CCDC7: variants seen among roughly 807,000 people sequenced by gnomAD.
CCDC7 encodes coiled-coil domain containing 7.
CCDC7 carries 183 observed loss-of-function variants against 196.9 expected under a neutral mutation model. That is an observed-to-expected ratio of 0.93 (90% confidence interval 0.82 to 1.05). The LOEUF (loss-of-function observed/expected upper bound fraction) is 1.05. Ranked by LOEUF, CCDC7 falls within the 50% of genes least tolerant of loss-of-function variation. The pLI, the probability that CCDC7 is intolerant of heterozygous loss-of-function variation, is 0.00. For synonymous variants in CCDC7, 525 were observed against 484.6 expected, an observed-to-expected ratio of 1.08 and a Z score of -1.10; for missense variants, 1,540 against 1,482.2, an observed-to-expected ratio of 1.04 and a Z score of -0.64.
chr10:32,642,229 C>T (rs576158657), intron 20 of CCDC7, among the ~76,000 whole-genome samples: 47 of 152,344 alleles, frequency 3.1e-4, no homozygotes, highest in African/African-American at 1.1e-3. Context: ...TTTTGTTTGG[C>T]AATGCCCTGC....
chr10:32,539,663 C>T (rs1685164907), intron 11 of CCDC7, among the ~76,000 whole-genome samples: 1 of 152,084 alleles, frequency 6.6e-6, no homozygotes, highest in South Asian at 2.1e-4. Context: ...TTATAAACTT[C>T]CCTCTTAACA....
rs955736950 is a variant in CCDC7 at position 32,861,196 on chromosome 10, A to G, written c.4111+6707A>G. On this transcript the variant is annotated intron_variant, in intron 41 of 41. Coordinates refer to ENST00000639629, the Ensembl canonical transcript of CCDC7. ...ATACTACAAGGCCACAGTAACCAAA[A>G]CAGCATGGTACTGGTACCAAAACAG... Among the ~76,000 whole-genome samples the G allele has an allele frequency of 3.1e-4, 47 of 152,050 alleles. 1 individual carries two copies. The highest frequency in any genetic ancestry group is 8.8e-5 in the Non-Finnish European group (6 of 68,010).
intron 28 of CCDC7, among the ~76,000 whole-genome samples, chr10:32,730,797 G>T (rs944965707): frequency 6.6e-6 from 1 of 151,874 alleles, no homozygotes; most frequent in Non-Finnish European, 1.5e-5. Flanking sequence ...TGAGGTATTA[G>T]ATGAAAATCT....
chr10:32,695,291 G>A (rs1730727489), intron 24 of CCDC7, among the ~76,000 whole-genome samples: 1 of 152,190 alleles, frequency 6.6e-6, no homozygotes, highest in African/African-American at 2.4e-5. Context: ...GAGTCCAAGT[G>A]TTCAACAGGA....
chr10:32,631,107 T>C (rs1460266266), intron 18 of CCDC7, among the ~76,000 whole-genome samples: 3 of 152,220 alleles, frequency 2.0e-5, no homozygotes, highest in Non-Finnish European at 4.4e-5. Context: ...TGTGAGTGAA[T>C]GATGAAACCT....
intron 13 of CCDC7, among the ~76,000 whole-genome samples, chr10:32,546,934 T>C (rs375415170): frequency 1.6e-4 from 25 of 152,344 alleles, no homozygotes; most frequent in African/African-American, 5.3e-4. Context: ...GTCTGCAGTT[T>C]CCTGCCACAT....
exon 32 of CCDC7, chr10:32,824,597 T>A: frequency 6.2e-7 from 1 of 1,605,188 alleles, no homozygotes; most frequent in Non-Finnish European, 8.5e-7. Context: ...AGAGAAAGAG[T>A]TACCCTGGTA....
chr10:32,856,028 G>T (rs2136354998), intron 41 of CCDC7, among the ~76,000 whole-genome samples: 1 of 152,218 alleles, frequency 6.6e-6, no homozygotes, highest in Admixed American at 6.5e-5. Flanking sequence ...ATATCCACAT[G>T]CAAAATAATG....
chr10:32,602,885 A>C (rs895401846), intron 18 of CCDC7, among the ~76,000 whole-genome samples: 5 of 152,232 alleles, frequency 3.3e-5, no homozygotes, highest in Non-Finnish European at 5.9e-5. Context: ...ATATATGCAT[A>C]CAATGTGTAA....
At chr10:32,582,984 A>G in intron 16 of CCDC7, 50 bp from the exon 18 acceptor site, 4 of 1,121,406 alleles carry the variant, frequency 3.6e-6, no homozygotes, top group Non-Finnish European at 4.5e-6. Context: ...TCAGTTGCAA[A>G]TAAAATGGTC....
In CCDC7 at chr10:32,453,443, A is replaced by T. The variant is rs1263919967; in HGVS notation, c.372+7A>T. ...TGAAGAATTATCTTTATCTGTAAGTATATGCAACCCTAATATAGAGACATT... is the reference window on the plus strand; with the variant it reads ...TGAAGAATTATCTTTATCTGTAAGTTTATGCAACCCTAATATAGAGACATT... On this transcript the variant is annotated splice_region_variant and intron_variant, in intron 2 of 41. Transcript: ENST00000639629. The T allele has an allele frequency of 2.0e-6, 3 of 1,510,650 alleles. No homozygotes were observed. Among genetic ancestry groups the T allele is most frequent in the Non-Finnish European group, 2.7e-6 (3 of 1,129,534 alleles). The allele number at this position is 1,510,650 out of a possible 1,614,324, so 93.6% of individuals were successfully genotyped here. A position where few individuals can be genotyped will look rare whatever the true frequency, so the allele number is the denominator to read the frequency against.
chr10:32,584,401 T>A (rs2059030386), intron 18 of CCDC7, 97 bp downstream of exon 19: 4 of 786,510 alleles, frequency 5.1e-6, no homozygotes, highest in Non-Finnish European at 8.1e-6. Context: ...CATTATTAAA[T>A]ATACAAACAA....
intron 28 of CCDC7, among the ~76,000 whole-genome samples, chr10:32,748,000 G>A (rs1489868687): frequency 6.6e-6 from 1 of 152,106 alleles, no homozygotes; most frequent in African/African-American, 2.4e-5. Context: ...AAGAAAATGT[G>A]GTACATATAT....
intron 13 of CCDC7, among the ~76,000 whole-genome samples, chr10:32,564,223 C>T (rs2136807602): frequency 6.6e-6 from 1 of 152,266 alleles, no homozygotes; most frequent in South Asian, 2.1e-4. Context: ...CTAGTTCAAC[C>T]ATTGTGGAAG....
intron 31 of CCDC7, among the ~76,000 whole-genome samples, chr10:32,821,324 G>T (rs2090142660): frequency 1.3e-5 from 2 of 152,072 alleles, no homozygotes; most frequent in African/African-American, 4.8e-5. Context: ...AGGTGCTGGA[G>T]AGGATGTGGA....
chr10:32,559,701 A>G (rs1271917315), intron 13 of CCDC7, among the ~76,000 whole-genome samples: 1 of 150,808 alleles, frequency 6.6e-6, no homozygotes, highest in Non-Finnish European at 1.5e-5. Flanking sequence ...CCAAAAGTAG[A>G]TAAAACCACA....
chr10:32,684,288 T>G (rs1334731761), intron 21 of CCDC7, among the ~76,000 whole-genome samples: 1 of 152,160 alleles, frequency 6.6e-6, no homozygotes, highest in Admixed American at 6.5e-5. Flanking sequence ...TGCTCAGGAA[T>G]CCAAAGCCCT....
intron 20 of CCDC7, among the ~76,000 whole-genome samples, chr10:32,650,233 G>T (rs1180350887): frequency 1.3e-5 from 2 of 152,154 alleles, no homozygotes; most frequent in African/African-American, 4.8e-5. Flanking sequence ...GGTCTTTGTT[G>T]TAAAATTCTT....
intron 32 of CCDC7, among the ~76,000 whole-genome samples, chr10:32,830,422 G>T (rs2092042900): frequency 6.6e-6 from 1 of 151,492 alleles, no homozygotes; most frequent in African/African-American, 2.4e-5. Flanking sequence ...CCATACATAG[G>T]AAAAAAGCAA....
Sources: gnomAD v4.1 joint callset for allele counts (sites outside exome capture counted in the v4.1 genomes callset) on GRCh38, gnomAD v4.1.1 for gene constraint, MANE v1.5 for transcripts, NCBI Gene and HGNC (gene_info 2026-07-23, HGNC 2026-07-21) for gene names.